Variants in NAV3 observed in about 807,000 individuals in gnomAD.
NAV3 encodes the protein neuron navigator 3.
In NAV3, 87 loss-of-function variants were observed where a neutral mutation model predicts 244.7. That is an observed-to-expected ratio of 0.36 (90% CI 0.30 to 0.42). The LOEUF is 0.42. Among genes scored for constraint, NAV3 ranks in the 20% least tolerant of loss-of-function variants. The pLI is 1.00. For synonymous variants in NAV3, 1,126 were observed against 1,042.2 expected, an observed-to-expected ratio of 1.08 and a Z score of -1.55; for missense variants, 2,663 against 2,893.3, an observed-to-expected ratio of 0.92 and a Z score of 1.83.
intron 28 of NAV3, 143 bp from the exon 29 acceptor site, chr12:78,179,386 T>C (rs879642083): frequency 6.6e-5 from 56 of 848,886 alleles, no homozygotes; most frequent in Admixed American, 1.6e-4. Context: ...TAAAACTCCT[T>C]CTCCTTTTCT....
rs2136577536 is a variant in NAV3 at position 78,006,925 on chromosome 12, C to T, written c.1387C>T (p.Leu463=). 6.2e-7 allele frequency: 1 copy of T among 1,613,794 alleles called. No homozygotes were observed. The highest frequency in any genetic ancestry group is 8.5e-7 in the Non-Finnish European group (1 of 1,179,972). Reference sequence around the variant, plus strand: ...AAATCTCAGCAATAAAAAGTCTTTGCTACAGCCAAAGGAAAAAGAAGAAAA... The same window carrying T: ...AAATCTCAGCAATAAAAAGTCTTTGTTACAGCCAAAGGAAAAAGAAGAAAA... ...SKNLSNKKSL[L]QPKEKEEKNR... is the part of the protein sequence containing the mutation. The change falls in exon 8 of 40, where the codon CTA becomes TTA. Residue 463 remains leucine (L), a synonymous_variant. Coordinates refer to ENST00000397909, the MANE Select transcript of NAV3 (RefSeq NM_001024383.2).
intron 1 of NAV3, among the ~76,000 whole-genome samples, chr12:77,927,201 T>G (rs544708360): frequency 2.4e-4 from 36 of 152,222 alleles, no homozygotes; most frequent in Non-Finnish European, 3.8e-4. Flanking sequence ...TTTTAGCTAA[T>G]ATTGTCACCA....
intron 22 of NAV3, 72 bp from the exon 23 acceptor site, chr12:78,159,131 A>G: frequency 7.6e-7 from 1 of 1,314,742 alleles, no homozygotes; most frequent in Non-Finnish European, 1.1e-6. Flanking sequence ...AGCATTTTGT[A>G]AAATGAAGGC....
intron 12 of NAV3, among the ~76,000 whole-genome samples, chr12:78,113,261 A>C (rs1017203974): frequency 6.6e-6 from 1 of 152,314 alleles, no homozygotes. Context: ...TGTGGTCTGG[A>C]GGATGGTGGC....
chr12:78,120,052 GTA>G (rs200965205), intron 15 of NAV3, 107 bp downstream of exon 15: 2 of 499,008 alleles, frequency 4.0e-6, no homozygotes, highest in African/African-American at 3.4e-5. Context: ...TATGTATAAG[GTA>G]TATATATATC....
chr12:77,788,308 A>G (rs181930779), intron 2 of NAV3, among the ~76,000 whole-genome samples: 30 of 152,334 alleles, frequency 2.0e-4, no homozygotes, highest in African/African-American at 7.2e-4. Context: ...ATGCAGTGCA[A>G]CAGGTTTAAA....
intron 22 of NAV3, among the ~76,000 whole-genome samples, chr12:78,154,386 A>T (rs1488669928): frequency 7.3e-6 from 1 of 137,212 alleles, no homozygotes; most frequent in Non-Finnish European, 1.6e-5. Flanking sequence ...ATATATATAT[A>T]TGCCTAGAGT....
intron 2 of NAV3, among the ~76,000 whole-genome samples, chr12:77,779,773 C>A (rs2135910350): frequency 6.6e-6 from 1 of 152,276 alleles, no homozygotes; most frequent in East Asian, 1.9e-4. Flanking sequence ...CTTTCTCTGT[C>A]AGCCAAATAA....
At chr12:78,130,125 A>T (rs897944187) in intron 18 of NAV3, among the ~76,000 whole-genome samples, 6 of 152,158 alleles carry the variant, frequency 3.9e-5, no homozygotes, top group African/African-American at 1.4e-4. Flanking sequence ...CTGCTTTCTT[A>T]GCTTTTTGCC....
chr12:77,650,883 A>T (rs1215981336), intron 2 of NAV3, among the ~76,000 whole-genome samples: 1 of 152,156 alleles, frequency 6.6e-6, no homozygotes, highest in Admixed American at 6.5e-5. Context: ...GAAGATACTG[A>T]TAATGATAGG....
chr12:77,836,656 T>C (rs1033044756), intron 1 of NAV3, among the ~76,000 whole-genome samples: 40 of 152,022 alleles, frequency 2.6e-4, no homozygotes, highest in African/African-American at 8.7e-4. Context: ...TTTTTCTATG[T>C]TATTTTATTT....
chr12:77,670,184 A>G (rs935559350), intron 2 of NAV3, among the ~76,000 whole-genome samples: 2 of 152,162 alleles, frequency 1.3e-5, no homozygotes, highest in African/African-American at 4.8e-5. Context: ...TGCATAACCT[A>G]GAAAACCTAG....
chr12:78,072,184 T>G (rs1952805647), intron 12 of NAV3, among the ~76,000 whole-genome samples: 1 of 147,464 alleles, frequency 6.8e-6, no homozygotes, highest in Non-Finnish European at 1.5e-5. Flanking sequence ...ATAACTAAAA[T>G]CAGAGCAGAA....
At chr12:77,909,215 A>G (rs1342311844) in intron 1 of NAV3, among the ~76,000 whole-genome samples, 1 of 152,066 alleles carries the variant, frequency 6.6e-6, no homozygotes, top group Non-Finnish European at 1.5e-5. Context: ...TAAAGATGAT[A>G]ATTTTTTCAA....
chr12:78,075,095 CAGG>C (rs1566096640), intron 12 of NAV3, among the ~76,000 whole-genome samples: 5 of 152,156 alleles, frequency 3.3e-5, no homozygotes, highest in Non-Finnish European at 7.3e-5. Context: ...TCTACCTGAT[CAGG>C]ACTATCACTG....
At chr12:77,976,686 T>C (rs1382214376) in intron 5 of NAV3, among the ~76,000 whole-genome samples, 8 of 135,446 alleles carry the variant, frequency 5.9e-5, no homozygotes, top group Non-Finnish European at 9.5e-5. Flanking sequence ...TTTTTTTTTT[T>C]TTTTTTGAGA....
rs2137137015 is a variant in NAV3 at position 78,045,026 on chromosome 12, T to C, written c.2024-4967T>C. On this transcript the variant is annotated intron_variant, in intron 9 of 39. Coordinates refer to ENST00000397909, the MANE Select transcript of NAV3 (RefSeq NM_001024383.2). ...TTGTGCAGGTTTTCAAAGGGAATGCTTCCAGCTTTTGCCCATTCAGTATGA... is the reference window on the plus strand; with the variant it reads ...TTGTGCAGGTTTTCAAAGGGAATGCCTCCAGCTTTTGCCCATTCAGTATGA... 2.0e-5 allele frequency among the ~76,000 whole-genome samples: 3 copies of C among 152,330 alleles called. 1 individual carries two copies. Among genetic ancestry groups the C allele is most frequent in the Admixed American group, 2.0e-4 (3 of 15,292 alleles).
At chr12:77,789,816 G>GAAAAAAAA (rs57070028) in intron 2 of NAV3, among the ~76,000 whole-genome samples, 7 of 75,470 alleles carry the variant, frequency 9.3e-5, no homozygotes, top group Admixed American at 1.5e-4. Flanking sequence ...GTCTCGAAAA[G>GAAAAAAAA]AAAAAAAAAA....
At chr12:78,149,091 C>A (rs1179257704) in intron 22 of NAV3, among the ~76,000 whole-genome samples, 172 bp downstream of exon 22, 1 of 151,950 alleles carries the variant, frequency 6.6e-6, no homozygotes, top group African/African-American at 2.4e-5. Flanking sequence ...AAATGTAAAT[C>A]CAAACTGATG....
Sources: gnomAD v4.1 joint callset for allele counts (sites outside exome capture counted in the v4.1 genomes callset) on GRCh38, gnomAD v4.1.1 for gene constraint, MANE v1.5 for transcripts, NCBI Gene and HGNC (gene_info 2026-07-23, HGNC 2026-07-21) for gene names.